DNASE1: variants seen among roughly 807,000 people sequenced by gnomAD.
DNASE1 encodes deoxyribonuclease 1.
In DNASE1, 40 loss-of-function variants were observed where a neutral mutation model predicts 33.9. The ratio of observed to expected loss-of-function variants is 1.18; its 90% CI spans 0.92 to 1.54. DNASE1 has a LOEUF of 1.54. Among genes scored for constraint, DNASE1 ranks in the 40% most tolerant of loss-of-function variants. DNASE1 has a pLI of 0.00. For missense variants in DNASE1, 518 were observed against 372.6 expected, an observed-to-expected ratio of 1.39 and a Z score of -3.21; for synonymous variants, 216 against 160.0, an observed-to-expected ratio of 1.35 and a Z score of -2.64.
At chr16:3,637,706 T>C (rs1467060563) in intron 1 of DNASE1, among the ~76,000 whole-genome samples, 1 of 152,024 alleles carries the variant, frequency 6.6e-6, no homozygotes, top group African/African-American at 2.4e-5. Context: ...GCTTTCCCCC[T>C]CCCCCGCCAG....
rs753672924 is a variant in DNASE1 at position 3,657,833 on chromosome 16, G to A, written c.801+17G>A. 27 of 1,613,812 alleles carry A rather than the reference G, an allele frequency of 1.7e-5. No homozygotes were observed. Among genetic ancestry groups the A allele is most frequent in the Non-Finnish European group, 9.3e-6 (11 of 1,180,018 alleles). ...GACCAACTGGTATGTGTCCTCCCTTGCACAGCCACATGAGGATGGGACACA... is the reference window on the plus strand; with the variant it reads ...GACCAACTGGTATGTGTCCTCCCTTACACAGCCACATGAGGATGGGACACA... On this transcript the variant is annotated intron_variant, in intron 8 of 8. Coordinates refer to ENST00000246949, the MANE Select transcript of DNASE1 (RefSeq NM_005223.4).
At chr16:3,663,737 A>C (rs1280348309) in exon 10 of DNASE1, 3 of 734,392 alleles carry the variant, frequency 4.1e-6, no homozygotes, top group Non-Finnish European at 6.5e-6. Context: ...GGTCTAAGGA[A>C]GGCTCTGACT....
intron 8 of DNASE1, 28 bp from the exon 9 acceptor site, chr16:3,657,877 GC>G: frequency 1.2e-6 from 2 of 1,613,984 alleles, no homozygotes; most frequent in Non-Finnish European, 1.7e-6. Flanking sequence ...GGTAGGCTCA[GC>G]CCAGACCCTG....
intron 1 of DNASE1, among the ~76,000 whole-genome samples, chr16:3,627,938 A>C (rs12921690): frequency 2.5e-4 from 11 of 44,142 alleles, no homozygotes; most frequent in African/African-American, 5.6e-4. Context: ...CTATTTCTGC[A>C]AAAAAAAAAA....
chr16:3,631,209 G>T (rs113277503), intron 1 of DNASE1, among the ~76,000 whole-genome samples: 43 of 151,388 alleles, frequency 2.8e-4, no homozygotes, highest in African/African-American at 9.9e-4. Flanking sequence ...TTTTTTTGTT[G>T]GTTTTGTTTT....
intron 1 of DNASE1, among the ~76,000 whole-genome samples, chr16:3,632,435 G>A (rs570595996): frequency 6.6e-6 from 1 of 152,272 alleles, no homozygotes; most frequent in South Asian, 2.1e-4. Context: ...TCATCTTAGA[G>A]AAATACTCCT....
intron 1 of DNASE1, among the ~76,000 whole-genome samples, chr16:3,646,479 C>T (rs1382519579): frequency 2.0e-5 from 3 of 152,064 alleles, no homozygotes; most frequent in Non-Finnish European, 4.4e-5. Context: ...AGAGATGAAC[C>T]TGGGGCCATG....
chr16:3,617,692 T>C (rs1243092821), intron 1 of DNASE1, among the ~76,000 whole-genome samples: 1 of 152,042 alleles, frequency 6.6e-6, no homozygotes, highest in Non-Finnish European at 1.5e-5. Flanking sequence ...ATGCCGGTAA[T>C]CCCAGCACTT....
intron 1 of DNASE1, among the ~76,000 whole-genome samples, chr16:3,616,669 A>G (rs2041114442): frequency 7.0e-6 from 1 of 143,760 alleles, no homozygotes; most frequent in Non-Finnish European, 1.5e-5. Context: ...TGTAATTGCA[A>G]GGGGCTCTTA....
chr16:3,613,488 A>G (rs938296889), intron 1 of DNASE1, among the ~76,000 whole-genome samples: 3 of 152,200 alleles, frequency 2.0e-5, no homozygotes, highest in Admixed American at 1.3e-4. Flanking sequence ...GTAAGACTAC[A>G]TTTGATTCTG....
intron 1 of DNASE1, among the ~76,000 whole-genome samples, chr16:3,647,020 T>C (rs1596620265): frequency 6.6e-6 from 1 of 152,092 alleles, no homozygotes; most frequent in Non-Finnish European, 1.5e-5. Context: ...TGAGGGGAGA[T>C]GTCCCAGCCA....
chr16:3,621,558 C>G (rs977692086), intron 1 of DNASE1, among the ~76,000 whole-genome samples: 3 of 152,066 alleles, frequency 2.0e-5, no homozygotes, highest in African/African-American at 7.2e-5. Flanking sequence ...AATATATATC[C>G]CTGCTTTTCC....
chr16:3,655,381 G>T lies in DNASE1; in HGVS notation c.8G>T (p.Gly3Val), dbSNP rs61741279. Residue 3 changes from glycine to valine, a missense_variant, in exon 2 of 9, where the codon GGC becomes GTC. Gly to Val is a moderately radical substitution (Grantham distance 109, BLOSUM62 -3). Transcript: ENST00000246949. The part of the protein sequence containing the change: MR[G>V]MKLLGALLAL... ...GCCCTGTGCTCTCCCAGGATGAGGG[G>T]CATGAAGCTGCTGGGGGCGCTGCTG... The T allele has an allele frequency of 6.2e-7, 1 of 1,614,174 alleles. No individual in the cohort carries two copies. Among genetic ancestry groups the T allele is most frequent in the African/African-American group, 1.3e-5 (1 of 75,076 alleles).
At chr16:3,632,215 T>C (rs2041720920) in intron 1 of DNASE1, among the ~76,000 whole-genome samples, 1 of 152,240 alleles carries the variant, frequency 6.6e-6, no homozygotes, top group Non-Finnish European at 1.5e-5. Context: ...GCTCTATAGA[T>C]GTCAATTCTG....
intron 1 of DNASE1, among the ~76,000 whole-genome samples, chr16:3,647,806 G>A (rs1055675381): frequency 6.6e-5 from 10 of 151,992 alleles, no homozygotes; most frequent in Non-Finnish European, 1.5e-4. Flanking sequence ...GAGTTGGAAA[G>A]CAGCCTGGGC....
In DNASE1 at chr16:3,656,696, G is replaced by T; in HGVS notation, c.379G>T (p.Gly127Trp). 1.2e-6 allele frequency: 2 copies of T among 1,613,250 alleles called. No homozygotes were observed. Among genetic ancestry groups the T allele is most frequent in the Non-Finnish European group, 8.5e-7 (1 of 1,179,680 alleles). The change falls in exon 5 of 9, where the codon GGG becomes TGG. Residue 127 changes from glycine to tryptophan, a missense_variant. Gly to Trp is a radical substitution (Grantham distance 184, BLOSUM62 -2). Coordinates refer to ENST00000246949, the MANE Select transcript of DNASE1 (RefSeq NM_005223.4). ...CTACGATGATGGCTGCGAGCCCTGC[G>T]GGAACGACACCTTCAACCGAGAGCC... ...YYYDDGCEPCGNDTFNREPAI... is the reference protein window; with the variant it reads ...YYYDDGCEPCWNDTFNREPAI...
intron 1 of DNASE1, among the ~76,000 whole-genome samples, chr16:3,624,270 A>C (rs1221219513): frequency 6.8e-6 from 1 of 147,886 alleles, no homozygotes. Context: ...CTCTGTCTCA[A>C]AAAAAAAAAA....
chr16:3,640,813 A>G (rs575981716), upstream of DNASE1: 82 of 398,430 alleles, frequency 2.1e-4, no homozygotes, highest in Non-Finnish European at 2.8e-4. Flanking sequence ...GCATGTCACT[A>G]GCTTCCTGTG....
rs535831887 is a variant in DNASE1, at chr16:3,655,537, C to T, written c.147+17C>T. 2 of 1,613,944 alleles carry T rather than the reference C, an allele frequency of 1.2e-6. No homozygotes were observed. Among genetic ancestry groups the T allele is most frequent in the East Asian group, 2.2e-5 (1 of 44,874 alleles). On this transcript the variant is annotated intron_variant, in intron 2 of 8. Transcript: ENST00000246949. ...ATTGTGCAGGTGAGGCCAGGGCAGCCTCCCCCCAAAAGCAGAGGAGCTCTG... is the reference window on the plus strand; with the variant it reads ...ATTGTGCAGGTGAGGCCAGGGCAGCTTCCCCCCAAAAGCAGAGGAGCTCTG...
Sources: gnomAD v4.1 joint callset for allele counts (sites outside exome capture counted in the v4.1 genomes callset) on GRCh38, gnomAD v4.1.1 for gene constraint, MANE v1.5 for transcripts, NCBI Gene and HGNC (gene_info 2026-07-23, HGNC 2026-07-21) for gene names.